SNX29: variants seen among roughly 807,000 people sequenced by gnomAD.
SNX29 encodes the protein sorting nexin-29.
Under a neutral mutation model 102.1 loss-of-function variants are expected in SNX29, and 78 were observed. The observed-to-expected ratio is 0.76, with a 90% CI of 0.64 to 0.92. The LOEUF (loss-of-function observed/expected upper bound fraction) is 0.92, where lower values mean the gene tolerates loss of function less well. Among genes scored for constraint, SNX29 ranks in the 40% least tolerant of loss-of-function variants. The probability of loss-of-function intolerance (pLI) is 0.00; values close to 1 mark genes in which losing one functional copy is unlikely to be tolerated. For synonymous variants in SNX29, 580 were observed against 414.5 expected (o/e 1.40, Z -4.85); for missense variants, 1,280 against 1,061.7 (o/e 1.21, Z -2.86).
At chr16:12,011,387 TGC>T (rs1264563925) in intron 3 of SNX29, among the ~76,000 whole-genome samples, 52 of 151,914 alleles carry the variant, frequency 3.4e-4, no homozygotes, top group African/African-American at 1.2e-3. Flanking sequence ...GCGATTCTTG[TGC>T]CTCAGCCTCC....
chr16:12,548,592 AGGCCC>A (rs763395867), intron 20 of SNX29, among the ~76,000 whole-genome samples: 2 of 152,162 alleles, frequency 1.3e-5, no homozygotes, highest in Non-Finnish European at 1.5e-5. Flanking sequence ...GTCCCACTCC[AGGCCC>A]GGGTACTCTG....
chr16:12,298,093 C>A (rs2080041688), intron 15 of SNX29, among the ~76,000 whole-genome samples: 1 of 152,170 alleles, frequency 6.6e-6, no homozygotes. Context: ...TTGCTTGAAC[C>A]CAGGAATTGG....
chr16:11,998,577 C>T (rs1450268855), intron 1 of SNX29, among the ~76,000 whole-genome samples: 1 of 152,162 alleles, frequency 6.6e-6, no homozygotes, highest in South Asian at 2.1e-4. Flanking sequence ...CTCTCAGGCT[C>T]ATGACTTCGT....
At chr16:12,356,050 C>G in intron 15 of SNX29, 113 bp from the exon 16 acceptor site, 1 of 899,396 alleles carries the variant, frequency 1.1e-6, no homozygotes, top group African/African-American at 1.6e-5. Flanking sequence ...CCAGCCCCAA[C>G]AGCCTACAGA....
At chr16:12,201,535 C>T (rs998323520) in intron 14 of SNX29, among the ~76,000 whole-genome samples, 5 of 152,188 alleles carry the variant, frequency 3.3e-5, no homozygotes, top group African/African-American at 4.8e-5. Flanking sequence ...AATGAACTCA[C>T]GCATTTTTCT....
chr16:12,329,054 T>C (rs752131519), intron 15 of SNX29, among the ~76,000 whole-genome samples: 6 of 151,874 alleles, frequency 4.0e-5, no homozygotes, highest in Non-Finnish European at 7.4e-5. Context: ...GGAGGATGGC[T>C]TGAGGTCAGG....
At chr16:12,556,969 C>A (rs914186623) in intron 20 of SNX29, among the ~76,000 whole-genome samples, 1 of 149,786 alleles carries the variant, frequency 6.7e-6, no homozygotes, top group Admixed American at 6.8e-5. Context: ...CCACTTCTGC[C>A]TCATGAGTAG....
At chr16:12,089,132 AG>A (rs2052374051) in intron 11 of SNX29, among the ~76,000 whole-genome samples, 1 of 150,750 alleles carries the variant, frequency 6.6e-6, no homozygotes, top group African/African-American at 2.5e-5. Flanking sequence ...GAGAAAAGAG[AG>A]AGAGAGAGAG....
At chr16:12,261,794 G>A (rs1371222819) in intron 14 of SNX29, among the ~76,000 whole-genome samples, 12 of 126,146 alleles carry the variant, frequency 9.5e-5, no homozygotes, top group South Asian at 2.9e-4. Flanking sequence ...TGCTGAGCTC[G>A]GGTCTGTGCA....
intron 18 of SNX29, among the ~76,000 whole-genome samples, chr16:12,428,762 C>T (rs189974661): frequency 1.3e-5 from 2 of 152,144 alleles, no homozygotes; most frequent in East Asian, 1.9e-4. Flanking sequence ...TTAATATCTC[C>T]TCCTAGTTAG....
At chr16:12,238,485 C>T (rs1050014209) in intron 14 of SNX29, among the ~76,000 whole-genome samples, 5 of 152,190 alleles carry the variant, frequency 3.3e-5, no homozygotes, top group East Asian at 1.9e-4. Flanking sequence ...GCCACCATGC[C>T]GGCCAATTTT....
intron 20 of SNX29, among the ~76,000 whole-genome samples, chr16:12,561,772 C>G (rs573969884): frequency 6.6e-6 from 1 of 152,170 alleles, no homozygotes; most frequent in Non-Finnish European, 1.5e-5. Context: ...CACCAAAGCA[C>G]ATGTCAGGAC....
chr16:12,188,754 TC>T (rs2141885588), intron 13 of SNX29, among the ~76,000 whole-genome samples: 1 of 152,232 alleles, frequency 6.6e-6, no homozygotes, highest in South Asian at 2.1e-4. Context: ...AGCTCCATTT[TC>T]CACCCCCTCC....
At chr16:12,242,848 G>C (rs952086553) in intron 14 of SNX29, among the ~76,000 whole-genome samples, 2 of 151,932 alleles carry the variant, frequency 1.3e-5, no homozygotes, top group Middle Eastern at 3.2e-3. Context: ...TTTTGGTAGT[G>C]ACAGGGTTTT....
At chr16:12,542,179 C>G (rs759184078) in intron 20 of SNX29, among the ~76,000 whole-genome samples, 1 of 152,170 alleles carries the variant, frequency 6.6e-6, no homozygotes, top group Admixed American at 6.5e-5. Context: ...AGGCCCTGTG[C>G]TAAGCCTTTT....
chr16:12,298,786 C>T (rs768840129), intron 15 of SNX29, among the ~76,000 whole-genome samples: 5 of 152,162 alleles, frequency 3.3e-5, no homozygotes, highest in African/African-American at 4.8e-5. Context: ...CCAGGGGTGA[C>T]GATGTGGGTA....
At chr16:12,246,371 T>C (rs2078259992) in intron 14 of SNX29, among the ~76,000 whole-genome samples, 1 of 152,154 alleles carries the variant, frequency 6.6e-6, no homozygotes, top group Admixed American at 6.5e-5. Context: ...CCAGGCATGG[T>C]GGCTCACGCT....
At chr16:12,410,741 A>G (rs572896211) in intron 18 of SNX29, among the ~76,000 whole-genome samples, 1 of 152,276 alleles carries the variant, frequency 6.6e-6, no homozygotes, top group South Asian at 2.1e-4. Flanking sequence ...GCCTCTGGGG[A>G]CTTTTAAAGG....
chr16:12,122,091 C>T, intron 11 of SNX29, among the ~76,000 whole-genome samples: 1 of 152,190 alleles, frequency 6.6e-6, no homozygotes, highest in East Asian at 1.9e-4. Flanking sequence ...GCTGGCATCA[C>T]AGGCGTGAGC....
Sources: allele counts gnomAD v4.1 joint callset (sites outside exome capture counted in the v4.1 genomes callset), GRCh38; gene constraint gnomAD v4.1.1; transcripts MANE v1.5; gene names NCBI Gene and HGNC (gene_info 2026-07-23, HGNC 2026-07-21).